ANKRD30A: variants seen among roughly 807,000 people sequenced by gnomAD.
ANKRD30A encodes the protein ankyrin repeat domain 30A, also known as ankyrin repeat domain-containing protein 30A.
ANKRD30A carries 170 observed loss-of-function variants against 166.3 expected under a neutral mutation model. That is an observed-to-expected ratio of 1.02 (90% CI 0.90 to 1.16). The LOEUF (loss-of-function observed/expected upper bound fraction) is 1.16, where lower values mean the gene tolerates loss of function less well. ANKRD30A is among the 50% of genes most tolerant of loss of function. The pLI, the probability that ANKRD30A is intolerant of heterozygous loss-of-function variation, is 0.00. For synonymous variants in ANKRD30A, 564 were observed against 508.9 expected, an observed-to-expected ratio of 1.11 and a Z score of -1.46; for missense variants, 1,630 against 1,518.0, an observed-to-expected ratio of 1.07 and a Z score of -1.23.
the ANKRD30A span, among the ~76,000 whole-genome samples, chr10:37,243,524 A>G: frequency 1.3e-5 from 2 of 152,074 alleles, no homozygotes; most frequent in Non-Finnish European, 2.9e-5. Flanking sequence ...TCGAGGGTCA[A>G]TTGCATTTGT....
chr10:37,163,963 AG>A (rs1839106532), intron 17 of ANKRD30A, among the ~76,000 whole-genome samples: 1 of 128,236 alleles, frequency 7.8e-6, no homozygotes, highest in South Asian at 2.2e-4. Flanking sequence ...AGCTTCTTAG[AG>A]CTATGGTGTG....
At chr10:37,158,178 T>A (rs569027327) in intron 13 of ANKRD30A, among the ~76,000 whole-genome samples, 1 of 152,006 alleles carries the variant, frequency 6.6e-6, no homozygotes, top group African/African-American at 2.4e-5. Flanking sequence ...CCTCACAGCA[T>A]GTTTGATGAA....
intron 12 of ANKRD30A, among the ~76,000 whole-genome samples, chr10:37,153,188 G>C (rs1238756093): frequency 6.6e-6 from 1 of 152,264 alleles, no homozygotes; most frequent in East Asian, 1.9e-4. Context: ...TGCTGTATGT[G>C]TCCTGGCAAG....
chr10:37,145,098 T>C (rs202023860), intron 8 of ANKRD30A, 42 bp downstream of exon 8: 11 of 1,410,962 alleles, frequency 7.8e-6, no homozygotes, highest in Non-Finnish European at 1.1e-5. Context: ...AATATTAATA[T>C]TGAGTGATGT....
At chr10:37,215,876 A>G (rs1351357456) in intron 31 of ANKRD30A, among the ~76,000 whole-genome samples, 2 of 151,436 alleles carry the variant, frequency 1.3e-5, no homozygotes, top group Non-Finnish European at 3.0e-5. Flanking sequence ...GTAGCCATAC[A>G]TTCCTCAGGG....
At chr10:37,153,815 C>T (rs1316522333) in intron 13 of ANKRD30A, among the ~76,000 whole-genome samples, 153 bp downstream of exon 13, 1 of 152,116 alleles carries the variant, frequency 6.6e-6, no homozygotes, top group Non-Finnish European at 1.5e-5. Flanking sequence ...TATGTCTCAT[C>T]AGGTGTTGGC....
intron 1 of ANKRD30A, among the ~76,000 whole-genome samples, 190 bp downstream of exon 1, chr10:37,126,198 C>T (rs1434525723): frequency 1.3e-5 from 2 of 152,132 alleles, no homozygotes; most frequent in Non-Finnish European, 2.9e-5. Flanking sequence ...GCTTGGGATG[C>T]GGGGTCCCTG....
At chr10:37,132,780 T>C (rs1262463677) in intron 4 of ANKRD30A, among the ~76,000 whole-genome samples, 3 of 152,178 alleles carry the variant, frequency 2.0e-5, no homozygotes, top group Non-Finnish European at 4.4e-5. Flanking sequence ...GTTGGATCAC[T>C]TGAGGCCAGG....
At chr10:37,248,639 A>G in the ANKRD30A span, among the ~76,000 whole-genome samples, 1 of 151,506 alleles carries the variant, frequency 6.6e-6, no homozygotes, top group Non-Finnish European at 1.5e-5. Flanking sequence ...TTTTAAATAC[A>G]GTGTTTCTTT....
intron 17 of ANKRD30A, among the ~76,000 whole-genome samples, chr10:37,164,729 A>T (rs1465029780): frequency 6.6e-6 from 1 of 152,140 alleles, no homozygotes; most frequent in East Asian, 1.9e-4. Flanking sequence ...AATACTACCA[A>T]GTAAAAAGTA....
the ANKRD30A span, among the ~76,000 whole-genome samples, chr10:37,265,379 C>G: frequency 2.6e-5 from 4 of 152,160 alleles, no homozygotes; most frequent in Non-Finnish European, 1.5e-5. Flanking sequence ...GGGTTGCCCG[C>G]AGCATTCCTG....
chr10:37,133,049 T>C (rs1174274184), intron 4 of ANKRD30A, among the ~76,000 whole-genome samples: 1 of 152,148 alleles, frequency 6.6e-6, no homozygotes, highest in African/African-American at 2.4e-5. Flanking sequence ...TTAAAATCAT[T>C]TTGTCTTTAG....
intron 25 of ANKRD30A, among the ~76,000 whole-genome samples, chr10:37,191,680 G>A (rs1840588839): frequency 6.6e-6 from 1 of 151,888 alleles, no homozygotes; most frequent in Admixed American, 6.6e-5. Flanking sequence ...TTTGTTCAGC[G>A]ATTAGCTTGT....
the ANKRD30A span, among the ~76,000 whole-genome samples, chr10:37,260,909 AG>A: frequency 6.6e-6 from 1 of 152,134 alleles, no homozygotes; most frequent in Non-Finnish European, 1.5e-5. Context: ...AGGGAGGGAG[AG>A]AAAAAAGGGT....
intron 27 of ANKRD30A, among the ~76,000 whole-genome samples, chr10:37,194,288 T>G (rs1840867005): frequency 1.3e-5 from 2 of 152,172 alleles, no homozygotes; most frequent in African/African-American, 4.8e-5. Context: ...ATGTGTAGAA[T>G]TTGTTTTCAT....
intron 30 of ANKRD30A, among the ~76,000 whole-genome samples, chr10:37,200,882 G>A (rs181195611): frequency 2.8e-4 from 42 of 152,100 alleles, no homozygotes; most frequent in African/African-American, 1.0e-3. Context: ...CAAGAGTATT[G>A]TATTTTGTTT....
intron 27 of ANKRD30A, among the ~76,000 whole-genome samples, chr10:37,194,184 C>T (rs1201489003): frequency 6.6e-6 from 1 of 151,946 alleles, no homozygotes; most frequent in Non-Finnish European, 1.5e-5. Flanking sequence ...AGTGAGACTC[C>T]ATCTGAAAAA....
the ANKRD30A span, among the ~76,000 whole-genome samples, chr10:37,265,005 A>G: frequency 2.1e-4 from 32 of 152,234 alleles, no homozygotes; most frequent in East Asian, 5.6e-3. Context: ...TCCAGTGATT[A>G]TACTGGTTAC....
chr10:37,211,180 G>A (rs1176235002), intron 31 of ANKRD30A, among the ~76,000 whole-genome samples: 2 of 151,780 alleles, frequency 1.3e-5, no homozygotes, highest in East Asian at 3.9e-4. Context: ...TAGGGTACAT[G>A]TGCATAACAT....
Sources: gnomAD v4.1 joint callset for allele counts (sites outside exome capture counted in the v4.1 genomes callset) on GRCh38, gnomAD v4.1.1 for gene constraint, MANE v1.5 for transcripts, NCBI Gene and HGNC (gene_info 2026-07-23, HGNC 2026-07-21) for gene names.